SAMD5: variants seen among roughly 807,000 people sequenced by gnomAD.
The protein encoded by SAMD5 is sterile alpha motif domain containing 5, also known as sterile alpha motif domain-containing protein 5.
SAMD5 carries 13 observed loss-of-function variants against 11.3 expected under a neutral mutation model. That is an observed-to-expected ratio of 1.15 (90% confidence interval 0.75 to 1.83). The LOEUF (loss-of-function observed/expected upper bound fraction) is 1.83. SAMD5 is among the 40% of genes most tolerant of loss of function. The pLI is 0.00. For synonymous variants in SAMD5, 129 were observed against 111.3 expected, an observed-to-expected ratio of 1.16 and a Z score of -1.00; for missense variants, 255 against 239.1, an observed-to-expected ratio of 1.07 and a Z score of -0.44.
chr6:147,553,554 C>G (rs568234103), intron 1 of SAMD5, among the ~76,000 whole-genome samples: 1 of 152,318 alleles, frequency 6.6e-6, no homozygotes, highest in African/African-American at 2.4e-5. Flanking sequence ...ATAAGGTTAC[C>G]TTGGACAATG....
the SAMD5 span, among the ~76,000 whole-genome samples, chr6:147,932,440 T>A: frequency 6.6e-6 from 1 of 152,126 alleles, no homozygotes; most frequent in Non-Finnish European, 1.5e-5. Context: ...TCATCAGCAG[T>A]CATCAAAGGG....
rs1789046827 is a variant in SAMD5, at chr6:147,566,658, A to G, written c.*2202A>G. ...AAACCTTCTCTCTGTGTCTGTGGTT[A>G]GAATTTGAAAATAACAATGCTCTGC... is the stretch of plus-strand genomic sequence containing the variant. On this transcript the variant is annotated 3_prime_UTR_variant, in exon 2 of 2. Transcript: ENST00000367474. 2 of 982,792 alleles carry G rather than the reference A, an allele frequency of 2.0e-6. No homozygotes were observed. Among genetic ancestry groups the G allele is most frequent in the Non-Finnish European group, 2.4e-6 (2 of 827,250 alleles). 60.9% of individuals were successfully genotyped at this position (982,792 alleles called of 1,614,324 possible). A position where few individuals can be genotyped will look rare whatever the true frequency, so the allele number is the denominator to read the frequency against.
the SAMD5 span, among the ~76,000 whole-genome samples, chr6:147,873,567 A>G: frequency 3.9e-5 from 6 of 152,108 alleles, no homozygotes; most frequent in African/African-American, 9.7e-5. Flanking sequence ...TGAAATATTC[A>G]TATGATGTAG....
In SAMD5 at chr6:147,704,629, T is replaced by A. The variant is rs549239914; in HGVS notation, c.163-32688T>A. Among the ~76,000 whole-genome samples, 204 of 152,272 alleles carry A rather than the reference T, an allele frequency of 1.3e-3. 1 individual carries two copies. Among genetic ancestry groups the A allele is most frequent in the African/African-American group, 4.6e-3 (192 of 41,556 alleles). On this transcript the variant is annotated intron_variant, in intron 1 of 1. Coordinates refer to the SAMD5 transcript ENST00000566741. ...TTGGAAGAAGAATATATTGTTTTCC[T>A]GTGTGATGATGGCCTTGGAAGAAAG...
At chr6:147,636,489 G>A (rs1334816668) in intron 1 of SAMD5, among the ~76,000 whole-genome samples, 1 of 152,142 alleles carries the variant, frequency 6.6e-6, no homozygotes, top group Non-Finnish European at 1.5e-5. Flanking sequence ...GAAACTGTAA[G>A]AATGAAACTA....
intron 1 of SAMD5, among the ~76,000 whole-genome samples, chr6:147,629,928 C>T (rs982188280): frequency 1.1e-4 from 16 of 150,796 alleles, no homozygotes; most frequent in African/African-American, 3.4e-4. Context: ...CGAAGAGTCA[C>T]GACCCATAGG....
chr6:147,938,187 C>A, the SAMD5 span, among the ~76,000 whole-genome samples: 1 of 152,290 alleles, frequency 6.6e-6, no homozygotes, highest in Non-Finnish European at 1.5e-5. Flanking sequence ...CATCACTAAT[C>A]TATGCTAAGC....
intron 1 of SAMD5, among the ~76,000 whole-genome samples, chr6:147,524,395 T>TTTTTTG (rs927138436): frequency 2.0e-5 from 3 of 151,592 alleles, no homozygotes; most frequent in Non-Finnish European, 2.9e-5. Flanking sequence ...AGTAATGGGT[T>TTTTTTG]TTTTTGTTTT....
At chr6:147,588,751 C>A (rs1377896375) in intron 1 of SAMD5, among the ~76,000 whole-genome samples, 1 of 152,048 alleles carries the variant, frequency 6.6e-6, no homozygotes, top group Non-Finnish European at 1.5e-5. Flanking sequence ...AGACGTTATA[C>A]CAGGCTTACT....
In SAMD5 at chr6:147,564,689, A is replaced by G; in HGVS notation, c.*233A>G. The stretch of plus-strand genomic sequence containing the variant: ...TCACGCATAAAGAAGTATTGAGTTC[A>G]TTTTTTTAAGAAGATATCATGATGA... On this transcript the variant is annotated 3_prime_UTR_variant, in exon 2 of 2. Coordinates refer to ENST00000367474, the MANE Select transcript of SAMD5 (RefSeq NM_001030060.3). The G allele has an allele frequency of 2.4e-6, 3 of 1,237,358 alleles. No individual in the cohort carries two copies. In the African/African-American group the frequency reaches 4.7e-5, roughly 19 times the overall value. 76.6% of individuals were successfully genotyped at this position (1,237,358 alleles called of 1,614,324 possible).
At chr6:147,629,016 C>T (rs527285526) in intron 1 of SAMD5, among the ~76,000 whole-genome samples, 74 of 152,092 alleles carry the variant, frequency 4.9e-4, no homozygotes, top group Non-Finnish European at 7.9e-4. Flanking sequence ...CTAGGCTGGG[C>T]GCAGTGGCTC....
chr6:147,590,393 T>A (rs1263250410), intron 1 of SAMD5, among the ~76,000 whole-genome samples: 2 of 152,192 alleles, frequency 1.3e-5, no homozygotes, highest in African/African-American at 4.8e-5. Context: ...TAGCTCATTG[T>A]ATGCCCTCAG....
At chr6:147,778,573 T>C in the SAMD5 span, among the ~76,000 whole-genome samples, 1 of 152,152 alleles carries the variant, frequency 6.6e-6, no homozygotes, top group East Asian at 1.9e-4. Flanking sequence ...TTTTCTCTTT[T>C]CCTTTCTTTC....
At chr6:147,642,319 G>A (rs1208496686) in intron 1 of SAMD5, among the ~76,000 whole-genome samples, 4 of 152,198 alleles carry the variant, frequency 2.6e-5, no homozygotes, top group Non-Finnish European at 4.4e-5. Flanking sequence ...ACAAGGGGCT[G>A]TGAAAAAGAT....
chr6:147,848,790 A>G, the SAMD5 span, among the ~76,000 whole-genome samples: 1 of 152,220 alleles, frequency 6.6e-6, no homozygotes, highest in Non-Finnish European at 1.5e-5. Context: ...AATTCAGATC[A>G]GCCACAGCAC....
chr6:147,515,176 GTTTTTTTTTTTTTTTT>G (rs71031029), intron 1 of SAMD5, among the ~76,000 whole-genome samples: 2 of 75,018 alleles, frequency 2.7e-5, no homozygotes, highest in East Asian at 4.4e-4. Context: ...ATCCTTCCAG[GTTTTTTTTTTTTTTTT>G]TTTTTTTTTT....
chr6:147,796,129 G>A, the SAMD5 span, among the ~76,000 whole-genome samples: 1 of 149,596 alleles, frequency 6.7e-6, no homozygotes, highest in Non-Finnish European at 1.5e-5. Flanking sequence ...TTTTAGACAT[G>A]AAGTCCTTGC....
At chr6:147,601,659 C>A (rs1789616901) in intron 1 of SAMD5, among the ~76,000 whole-genome samples, 1 of 152,106 alleles carries the variant, frequency 6.6e-6, no homozygotes. Context: ...AATTGAAACA[C>A]TTGTTAGAAA....
the SAMD5 span, among the ~76,000 whole-genome samples, chr6:147,844,542 C>T: frequency 6.8e-3 from 1,032 of 152,210 alleles, 13 homozygotes; most frequent in African/African-American, 0.023. Context: ...TGCACTCCCA[C>T]ATTCACTGCA....
Sources: allele counts gnomAD v4.1 joint callset (sites outside exome capture counted in the v4.1 genomes callset), GRCh38; gene constraint gnomAD v4.1.1; transcripts MANE v1.5; gene names NCBI Gene and HGNC (gene_info 2026-07-23, HGNC 2026-07-21).